HUNK: variants seen among roughly 807,000 people sequenced by gnomAD.
HUNK encodes the protein hormonally up-regulated neu tumor-associated kinase.
A neutral mutation model predicts 61.0 loss-of-function variants in HUNK; 21 were observed. The ratio of observed to expected loss-of-function variants is 0.34; its 90% CI spans 0.24 to 0.50. The LOEUF (loss-of-function observed/expected upper bound fraction) is 0.50, where lower values mean the gene tolerates loss of function less well. Ranked by LOEUF, HUNK falls within the 20% of genes least tolerant of loss-of-function variation. The pLI is 0.98. For missense variants in HUNK, 772 were observed against 945.7 expected (o/e 0.82, Z 2.41); for synonymous variants, 371 against 386.1 (o/e 0.96, Z 0.46).
intron 1 of HUNK, among the ~76,000 whole-genome samples, chr21:31,917,754 A>ACACC (rs2052595351): frequency 7.9e-6 from 1 of 126,482 alleles, no homozygotes; most frequent in Admixed American, 7.8e-5. Context: ...ACACACACAC[A>ACACC]CACCCCTGGA....
At chr21:31,896,654 G>A (rs188956909) in intron 1 of HUNK, among the ~76,000 whole-genome samples, 7 of 152,276 alleles carry the variant, frequency 4.6e-5, no homozygotes, top group East Asian at 3.9e-4. Flanking sequence ...ACAAAACACC[G>A]TCAAAAGAAG....
intron 4 of HUNK, among the ~76,000 whole-genome samples, chr21:31,946,660 G>A (rs1287168436): frequency 6.6e-6 from 1 of 152,022 alleles, no homozygotes; most frequent in Non-Finnish European, 1.5e-5. Context: ...TGTCGCCCAG[G>A]CTAGAGTGCA....
intron 2 of HUNK, among the ~76,000 whole-genome samples, chr21:31,929,550 C>T (rs1341899949): frequency 6.6e-6 from 1 of 152,172 alleles, no homozygotes; most frequent in Non-Finnish European, 1.5e-5. Flanking sequence ...ACCAAGAACG[C>T]CGATTCTGCT....
chr21:31,884,581 A>C (rs529037251), intron 1 of HUNK, among the ~76,000 whole-genome samples: 156 of 142,568 alleles, frequency 1.1e-3, no homozygotes, highest in African/African-American at 3.9e-3. Context: ...GACAAGAGCA[A>C]AACTCTGTCT....
At chr21:31,948,104 CA>C (rs1405652016) in intron 4 of HUNK, among the ~76,000 whole-genome samples, 1 of 152,190 alleles carries the variant, frequency 6.6e-6, no homozygotes, top group Non-Finnish European at 1.5e-5. Context: ...CGCCCAAGGT[CA>C]TAGAGCTGCT....
intron 10 of HUNK, among the ~76,000 whole-genome samples, chr21:31,997,238 C>T (rs1456788144): frequency 6.6e-6 from 1 of 152,188 alleles, no homozygotes; most frequent in Non-Finnish European, 1.5e-5. Context: ...GGGGGTTTCC[C>T]CTTTCTTTTC....
chr21:31,998,551 C>T lies in HUNK; in HGVS notation c.1512C>T (p.Phe504=). 6.3e-7 allele frequency: 1 copy of T among 1,596,476 alleles called. No individual in the cohort carries two copies. Among genetic ancestry groups the T allele is most frequent in the South Asian group, 1.1e-5 (1 of 88,390 alleles). The part of the protein sequence containing the change: ...DKDSFGCRNI[F]RKTSDSNCVA... The stretch of plus-strand genomic sequence containing the variant: ...ATTCCTTTGGCTGCCGCAATATTTT[C>T]CGCAAAACCTCAGATTCCAATTGTG... The change falls in exon 11 of 11, where the codon TTC becomes TTT. Residue 504 remains phenylalanine (F), a synonymous_variant. Transcript: ENST00000270112.
intron 10 of HUNK, among the ~76,000 whole-genome samples, chr21:31,997,986 C>T (rs9974369): frequency 0.11 from 16,653 of 152,098 alleles, 1,076 homozygotes; most frequent in Non-Finnish European, 0.15. Flanking sequence ...AGTGCCATCA[C>T]GGCTCACTGC....
rs533102122 is a variant in HUNK at position 31,878,522 on chromosome 21, G to A, written c.261+4587G>A. Among the ~76,000 whole-genome samples the A allele has an allele frequency of 5.3e-5, 8 of 152,046 alleles. No individual in the cohort carries two copies. In the East Asian group the frequency reaches 1.6e-3, roughly 30 times the overall value. ...GGCCGAAGTGGGTGGATCATTTGAG[G>A]TCAGGAGTTTGAGACCAGCCTGGCC... On this transcript the variant is annotated intron_variant, in intron 1 of 10. Transcript: ENST00000270112.
chr21:31,988,075 T>A (rs917777406), intron 8 of HUNK, among the ~76,000 whole-genome samples: 1 of 152,228 alleles, frequency 6.6e-6, no homozygotes, highest in African/African-American at 2.4e-5. Context: ...AAAACTTCCC[T>A]CTTGGGGTAA....
chr21:31,991,956 G>T (rs1366912564), intron 9 of HUNK, among the ~76,000 whole-genome samples: 1 of 152,240 alleles, frequency 6.6e-6, no homozygotes, highest in African/African-American at 2.4e-5. Flanking sequence ...TCCTCCCAGA[G>T]CTGGGAAGGA....
intron 2 of HUNK, among the ~76,000 whole-genome samples, chr21:31,930,493 G>T (rs1383903210): frequency 1.3e-5 from 2 of 152,168 alleles, no homozygotes; most frequent in African/African-American, 4.8e-5. Context: ...TCAGGTCCCA[G>T]CTCCAGGCTC....
At chr21:31,877,011 G>A (rs1054489882) in intron 1 of HUNK, among the ~76,000 whole-genome samples, 4 of 152,078 alleles carry the variant, frequency 2.6e-5, no homozygotes, top group African/African-American at 9.7e-5. Flanking sequence ...ACTGTAGTGA[G>A]AAGTACTCCC....
intron 4 of HUNK, among the ~76,000 whole-genome samples, chr21:31,949,484 A>G (rs2052834058): frequency 6.6e-6 from 1 of 152,172 alleles, no homozygotes; most frequent in Non-Finnish European, 1.5e-5. Flanking sequence ...TATTGAGTGG[A>G]TGAATATGAA....
chr21:31,950,065 G>A (rs2052838840), intron 4 of HUNK, among the ~76,000 whole-genome samples: 1 of 152,190 alleles, frequency 6.6e-6, no homozygotes, highest in Non-Finnish European at 1.5e-5. Flanking sequence ...CTAGGCCCCT[G>A]AATCACCACC....
At chr21:31,881,530 G>A (rs1375018066) in intron 1 of HUNK, among the ~76,000 whole-genome samples, 1 of 152,106 alleles carries the variant, frequency 6.6e-6, no homozygotes, top group Non-Finnish European at 1.5e-5. Flanking sequence ...GGCTGAGGCA[G>A]GAGAGTCGCT....
chr21:31,878,126 G>T (rs1005587473), intron 1 of HUNK, among the ~76,000 whole-genome samples: 26 of 151,796 alleles, frequency 1.7e-4, no homozygotes, highest in African/African-American at 5.3e-4. Context: ...AGGTGTGGTG[G>T]TGCATACCTG....
In HUNK at chr21:31,925,711, A is replaced by T. The variant is rs571967322; in HGVS notation, c.554+951A>T. 3.3e-5 allele frequency among the ~76,000 whole-genome samples: 5 copies of T among 152,340 alleles called. No homozygotes were observed. In the South Asian group the frequency reaches 1.0e-3, roughly 32 times the overall value. On this transcript the variant is annotated intron_variant, in intron 2 of 10. Transcript: ENST00000270112. ...TTTCCTAGGAAGGGGCTCTACAAAGAAAGTGAATGGAAACAGCGTTCTTGG... is the reference window on the plus strand; with the variant it reads ...TTTCCTAGGAAGGGGCTCTACAAAGTAAGTGAATGGAAACAGCGTTCTTGG...
At chr21:31,900,479 A>ACACACACACACACACACAC (rs57151018) in intron 1 of HUNK, among the ~76,000 whole-genome samples, 15 of 151,590 alleles carry the variant, frequency 9.9e-5, no homozygotes, top group Middle Eastern at 3.4e-3. Flanking sequence ...ACACACACAC[A>ACACACACACACACACACAC]AACTCTACTG....
Sources: gnomAD v4.1 joint callset for allele counts (sites outside exome capture counted in the v4.1 genomes callset) on GRCh38, gnomAD v4.1.1 for gene constraint, MANE v1.5 for transcripts, NCBI Gene and HGNC (gene_info 2026-07-23, HGNC 2026-07-21) for gene names.